Variants in HOPX observed in about 807,000 individuals in gnomAD.
HOPX encodes homeodomain-only protein.
Under a neutral mutation model 11.8 loss-of-function variants are expected in HOPX, and 5 were observed. That is an observed-to-expected ratio of 0.43 (90% confidence interval 0.22 to 0.89). HOPX has a LOEUF of 0.89. HOPX is among the 40% of genes least tolerant of loss of function. HOPX has a pLI of 0.28. For missense variants in HOPX, 119 were observed against 120.0 expected (o/e 0.99, Z 0.04); for synonymous variants, 49 against 49.7 (o/e 0.99, Z 0.06).
At chr4:56,649,857 A>C (rs375542269) in intron 3 of HOPX, 3 of 152,720 alleles carry the variant, frequency 2.0e-5, no homozygotes, top group Non-Finnish European at 2.9e-5. Context: ...GATCAAGAGG[A>C]AACTGGGAAT....
chr4:56,677,434 C>T (rs1719074710), intron 1 of HOPX, among the ~76,000 whole-genome samples: 2 of 151,688 alleles, frequency 1.3e-5, no homozygotes, highest in Admixed American at 1.3e-4. Flanking sequence ...CTATATATAA[C>T]ATTTCAAGGA....
chr4:56,651,915 T>TGTG (rs1260908831), intron 3 of HOPX, among the ~76,000 whole-genome samples: 2 of 145,426 alleles, frequency 1.4e-5, no homozygotes, highest in African/African-American at 5.1e-5. Flanking sequence ...TGTGTGTGTG[T>TGTG]TTGAAATAAT....
intron 3 of HOPX, chr4:56,650,541 G>T (rs1313396358): frequency 2.5e-6 from 2 of 805,482 alleles, no homozygotes; most frequent in African/African-American, 1.7e-5. Flanking sequence ...TTGAATGGGG[G>T]TAAGGCTCTG....
intron 1 of HOPX, among the ~76,000 whole-genome samples, chr4:56,671,488 G>A (rs1486790179): frequency 3.3e-5 from 5 of 151,856 alleles, no homozygotes; most frequent in Non-Finnish European, 7.4e-5. Flanking sequence ...ACTATAATTA[G>A]GTCATGGATA....
At chr4:56,670,754 T>C (rs1372905986) in intron 1 of HOPX, among the ~76,000 whole-genome samples, 1 of 152,158 alleles carries the variant, frequency 6.6e-6, no homozygotes, top group Non-Finnish European at 1.5e-5. Context: ...CCCAGCACTT[T>C]GGGAGGCTGA....
At chr4:56,656,883 G>C (rs1299947615) in intron 2 of HOPX, among the ~76,000 whole-genome samples, 3 of 152,164 alleles carry the variant, frequency 2.0e-5, no homozygotes, top group African/African-American at 7.2e-5. Flanking sequence ...CTCACTGTGT[G>C]CTCCCCGAGG....
At chr4:56,670,402 A>G (rs1233594459) in intron 1 of HOPX, among the ~76,000 whole-genome samples, 1 of 151,910 alleles carries the variant, frequency 6.6e-6, no homozygotes, top group African/African-American at 2.4e-5. Flanking sequence ...CCTTTAAACC[A>G]GAAGAGAAAT....
chr4:56,656,312 C>A, intron 2 of HOPX: 2 of 1,102,868 alleles, frequency 1.8e-6, no homozygotes, highest in Non-Finnish European at 2.2e-6. Context: ...GCGACGGGGG[C>A]GAGATAGATG....
chr4:56,671,862 T>G (rs79972754), intron 1 of HOPX, among the ~76,000 whole-genome samples: 9 of 152,062 alleles, frequency 5.9e-5, no homozygotes, highest in African/African-American at 2.2e-4. Context: ...CCAGGTAACT[T>G]TGGACAACTG....
intron 1 of HOPX, chr4:56,664,206 C>T (rs1267458618): frequency 6.6e-6 from 1 of 151,808 alleles, no homozygotes; most frequent in East Asian, 1.9e-4. Flanking sequence ...TCTCAGCTCA[C>T]CAAAACTTCC....
chr4:56,670,612 G>A (rs1160064454), intron 1 of HOPX, among the ~76,000 whole-genome samples: 2 of 152,110 alleles, frequency 1.3e-5, no homozygotes, highest in Non-Finnish European at 2.9e-5. Flanking sequence ...AGGTCAATAC[G>A]CTGAAGGATA....
intron 1 of HOPX, 89 bp from the exon 2 acceptor site, chr4:56,657,988 A>AGT: frequency 4.0e-6 from 5 of 1,261,176 alleles, no homozygotes; most frequent in Non-Finnish European, 5.4e-6. Flanking sequence ...CTAGTAGGAC[A>AGT]CCAATTCTAG....
intron 1 of HOPX, chr4:56,664,858 T>A (rs1286839030): frequency 1.3e-5 from 2 of 152,322 alleles, no homozygotes; most frequent in East Asian, 3.9e-4. Flanking sequence ...AGATGAGTAG[T>A]GAGGAAGGTG....
chr4:56,654,481 G>C (rs1404921542), intron 3 of HOPX, among the ~76,000 whole-genome samples: 1 of 152,156 alleles, frequency 6.6e-6, no homozygotes, highest in Admixed American at 6.5e-5. Flanking sequence ...GATTTCAAAT[G>C]ATAAAATTTC....
At chr4:56,649,221 T>G (rs1209910477) in intron 3 of HOPX, 1 of 156,012 alleles carries the variant, frequency 6.4e-6, no homozygotes, top group Admixed American at 6.4e-5. Context: ...TTCTAGAATG[T>G]AAGATCCATG....
intron 1 of HOPX, among the ~76,000 whole-genome samples, chr4:56,666,427 G>A (rs574345242): frequency 2.0e-4 from 31 of 152,178 alleles, no homozygotes; most frequent in Non-Finnish European, 4.3e-4. Flanking sequence ...TTCTGTAGCC[G>A]CTTACTGAAA....
In HOPX at chr4:56,648,024, A is replaced by C. The variant is rs1716819582; in HGVS notation, c.*696T>G. The C allele has an allele frequency of 6.6e-6, 1 of 151,990 alleles. No individual in the cohort carries two copies. The highest frequency in any genetic ancestry group is 2.1e-4 in the South Asian group (1 of 4,832). The allele number at this position is 151,990 out of a possible 1,614,324, so 9.4% of individuals were successfully genotyped here. On this transcript the variant is annotated 3_prime_UTR_variant, in exon 4 of 4. Transcript: ENST00000420433. ...TCAACAAAAAGTTAAGGTTTTATTT[A>C]GAATATCATTTTAGAGACAAAAAGC...
chr4:56,676,849 A>G (rs184766125), intron 1 of HOPX, among the ~76,000 whole-genome samples: 1 of 151,170 alleles, frequency 6.6e-6, no homozygotes, highest in East Asian at 1.9e-4. Context: ...CCCTCTTCAG[A>G]GACAGGACTG....
chr4:56,661,933 C>T (rs1718160327), intron 1 of HOPX, among the ~76,000 whole-genome samples: 1 of 152,008 alleles, frequency 6.6e-6, no homozygotes, highest in African/African-American at 2.4e-5. Context: ...AAAACGTTAC[C>T]ATTTTCTCCT....
Sources: allele counts gnomAD v4.1 joint callset (sites outside exome capture counted in the v4.1 genomes callset), GRCh38; gene constraint gnomAD v4.1.1; transcripts MANE v1.5; gene names NCBI Gene and HGNC (gene_info 2026-07-23, HGNC 2026-07-21).